Variants in PRDM5 observed in about 807,000 individuals in gnomAD.
The protein encoded by PRDM5 is PR domain zinc finger protein 5.
A neutral mutation model predicts 81.2 loss-of-function variants in PRDM5; 56 were observed. That is an observed-to-expected ratio of 0.69 (90% CI 0.56 to 0.86). The LOEUF is 0.86. Among genes scored for constraint, PRDM5 ranks in the 40% least tolerant of loss-of-function variants. PRDM5 has a pLI of 0.00. For synonymous variants in PRDM5, 267 were observed against 256.4 expected (o/e 1.04, Z -0.39); for missense variants, 697 against 770.1 (o/e 0.91, Z 1.12).
At chr4:120,713,896 T>C (rs942764826) in intron 14 of PRDM5, among the ~76,000 whole-genome samples, 2 of 152,226 alleles carry the variant, frequency 1.3e-5, no homozygotes, top group African/African-American at 2.4e-5. Context: ...CTTTTCTGGG[T>C]TGTGAATTCC....
intron 8 of PRDM5, among the ~76,000 whole-genome samples, chr4:120,803,195 T>C (rs1447384970): frequency 1.3e-5 from 2 of 151,956 alleles, no homozygotes; most frequent in African/African-American, 4.8e-5. Flanking sequence ...CTCCAAGAAA[T>C]ATGGGACTAC....
At chr4:120,809,247 G>A (rs1451941083) in intron 8 of PRDM5, among the ~76,000 whole-genome samples, 2 of 139,818 alleles carry the variant, frequency 1.4e-5, no homozygotes, top group Non-Finnish European at 3.1e-5. Context: ...CTGTCGTGGG[G>A]TGAGGGGAGG....
At chr4:120,841,833 T>G (rs1037194380) in intron 3 of PRDM5, among the ~76,000 whole-genome samples, 1 of 152,360 alleles carries the variant, frequency 6.6e-6, no homozygotes, top group South Asian at 2.1e-4. Flanking sequence ...TATTTTCTAG[T>G]GACTAAAACA....
At chr4:120,760,328 T>G (rs1407196934) in intron 13 of PRDM5, among the ~76,000 whole-genome samples, 1 of 152,166 alleles carries the variant, frequency 6.6e-6, no homozygotes, top group Non-Finnish European at 1.5e-5. Flanking sequence ...CTTAAAGCAG[T>G]TCCCAAGTGA....
intron 9 of PRDM5, 117 bp from the exon 10 acceptor site, chr4:120,798,541 A>T (rs1330102958): frequency 1.2e-6 from 1 of 858,302 alleles, no homozygotes; most frequent in Non-Finnish European, 1.8e-6. Context: ...ATGGTCAAAC[A>T]ACTAAAAAAC....
At chr4:120,747,576 G>A (rs1444212235) in intron 14 of PRDM5, among the ~76,000 whole-genome samples, 2 of 152,100 alleles carry the variant, frequency 1.3e-5, no homozygotes, top group African/African-American at 4.8e-5. Flanking sequence ...ACCCACCCTC[G>A]TTTGGACTCA....
At chr4:120,696,013 G>A (rs143057572) in intron 15 of PRDM5, among the ~76,000 whole-genome samples, 8 of 152,174 alleles carry the variant, frequency 5.3e-5, no homozygotes, top group Non-Finnish European at 1.2e-4. Flanking sequence ...GAAAGCTGGA[G>A]TTTTAATTGA....
In PRDM5 at chr4:120,815,041, A is replaced by G. The variant is rs184380007; in HGVS notation, c.865+1412T>C. Among the ~76,000 whole-genome samples the G allele has an allele frequency of 5.8e-3, 877 of 152,346 alleles. 9 individuals carry two copies. The highest frequency in any genetic ancestry group is 7.0e-3 in the Non-Finnish European group (478 of 68,034). ...AGCACAGCCTGAAGACAACATGCCC[A>G]GTAATAAGAATGCAAGTCTCCAGAG... On this transcript the variant is annotated intron_variant, in intron 7 of 15. Transcript: ENST00000264808.
intron 14 of PRDM5, 96 bp from the exon 15 acceptor site, chr4:120,710,509 C>T: frequency 2.0e-6 from 2 of 985,742 alleles, no homozygotes; most frequent in Non-Finnish European, 3.2e-6. Flanking sequence ...CCACAGAATA[C>T]TGCAGCAAAT....
intron 2 of PRDM5, among the ~76,000 whole-genome samples, chr4:120,875,821 A>T (rs1762282962): frequency 6.6e-6 from 1 of 152,206 alleles, no homozygotes; most frequent in South Asian, 2.1e-4. Flanking sequence ...TTTCACAGAA[A>T]AAAGCTGCTT....
rs370442794 is a variant in PRDM5 at position 120,724,623 on chromosome 4, C to T, written c.1624-14210G>A. On this transcript the variant is annotated intron_variant, in intron 14 of 15. Coordinates refer to ENST00000264808, the MANE Select transcript of PRDM5 (RefSeq NM_018699.4). ...ATATGTGATGGTGGCAAGTGTAATC[C>T]ATCTTTGAATAAAACCATAAAGTTT... is the stretch of plus-strand genomic sequence containing the variant. Among the ~76,000 whole-genome samples the T allele has an allele frequency of 3.9e-5, 6 of 152,110 alleles. No homozygotes were observed. In the South Asian group the frequency reaches 6.2e-4, roughly 16 times the overall value.
intron 14 of PRDM5, among the ~76,000 whole-genome samples, chr4:120,745,786 T>A (rs1483500067): frequency 1.4e-5 from 2 of 144,394 alleles, no homozygotes; most frequent in Non-Finnish European, 3.0e-5. Flanking sequence ...TAAAAGAGGA[T>A]ACAAACAAAT....
At position 120,819,045 on chromosome 4, in the gene PRDM5, G is replaced by A. The variant is rs376374952; in HGVS notation, c.476-518C>T. Among the ~76,000 whole-genome samples the A allele has an allele frequency of 1.3e-5, 2 of 152,154 alleles. 1 individual carries two copies. Among genetic ancestry groups the A allele is most frequent in the South Asian group, 4.1e-4 (2 of 4,826 alleles). ...TGCAGGTCTGACCAAATTTCTCAGC[G>A]TGCTATTTAAATTACACATTTGTTT... On this transcript the variant is annotated intron_variant, in intron 4 of 15. Transcript: ENST00000264808.
chr4:120,865,573 G>A (rs971309183), intron 2 of PRDM5, among the ~76,000 whole-genome samples: 6 of 152,110 alleles, frequency 3.9e-5, no homozygotes, highest in African/African-American at 9.7e-5. Flanking sequence ...CTTCAATCCC[G>A]ACATTTTGGT....
At chr4:120,877,633 C>T (rs955599804) in intron 2 of PRDM5, among the ~76,000 whole-genome samples, 3 of 152,072 alleles carry the variant, frequency 2.0e-5, no homozygotes, top group Non-Finnish European at 2.9e-5. Context: ...GGTGAAACCT[C>T]GTCTCTACTA....
At chr4:120,747,313 T>A (rs939614177) in intron 14 of PRDM5, among the ~76,000 whole-genome samples, 1 of 141,532 alleles carries the variant, frequency 7.1e-6, no homozygotes, top group Admixed American at 7.0e-5. Context: ...AGGGATAGCA[T>A]TGGGAGATAT....
chr4:120,772,964 G>A (rs994606636), intron 13 of PRDM5, among the ~76,000 whole-genome samples: 2 of 152,116 alleles, frequency 1.3e-5, no homozygotes, highest in African/African-American at 4.8e-5. Context: ...CAAAATCATG[G>A]TACATATAAA....
intron 1 of PRDM5, among the ~76,000 whole-genome samples, chr4:120,916,718 A>C (rs1450479): frequency 0.77 from 116,568 of 152,068 alleles, 44,968 homozygotes; most frequent in Non-Finnish European, 0.81. Flanking sequence ...TCCTCCACCC[A>C]CAACCTTCCC....
At chr4:120,789,444 T>A (rs1289728784) in intron 10 of PRDM5, among the ~76,000 whole-genome samples, 1 of 152,212 alleles carries the variant, frequency 6.6e-6, no homozygotes, top group Non-Finnish European at 1.5e-5. Flanking sequence ...TAAAAGTATT[T>A]CTTGGTAATG....
Sources: allele counts gnomAD v4.1 joint callset (sites outside exome capture counted in the v4.1 genomes callset), GRCh38; gene constraint gnomAD v4.1.1; transcripts MANE v1.5; gene names NCBI Gene and HGNC (gene_info 2026-07-23, HGNC 2026-07-21).